IQCJ: variants seen among roughly 807,000 people sequenced by gnomAD.
IQCJ encodes IQ domain-containing protein J.
A neutral mutation model predicts 11.0 loss-of-function variants in IQCJ; 9 were observed. The observed-to-expected ratio is 0.82, with a 90% CI of 0.49 to 1.43. IQCJ has a LOEUF of 1.43. IQCJ is among the 40% of genes most tolerant of loss of function. The pLI is 0.00. For missense variants in IQCJ, 146 were observed against 133.2 expected, an observed-to-expected ratio of 1.10 and a Z score of -0.47; for synonymous variants, 55 against 51.3, an observed-to-expected ratio of 1.07 and a Z score of -0.31.
chr3:159,214,508 G>A (rs957112311), intron 1 of IQCJ, among the ~76,000 whole-genome samples: 1 of 152,166 alleles, frequency 6.6e-6, no homozygotes, highest in East Asian at 1.9e-4. Flanking sequence ...TCAAATGAAT[G>A]TTTCAGATTC....
intron 1 of IQCJ, among the ~76,000 whole-genome samples, chr3:159,120,917 G>T (rs1719331947): frequency 6.6e-6 from 1 of 152,028 alleles, no homozygotes; most frequent in Non-Finnish European, 1.5e-5. Context: ...CCAGATGGCT[G>T]CTCTTTCTCC....
chr3:159,089,812 T>C (rs1717103611), intron 1 of IQCJ, among the ~76,000 whole-genome samples: 1 of 151,636 alleles, frequency 6.6e-6, no homozygotes, highest in African/African-American at 2.4e-5. Flanking sequence ...ATTCTAGTTA[T>C]ACATTCTTCT....
intron 1 of IQCJ, among the ~76,000 whole-genome samples, chr3:159,206,122 C>G (rs1724644528): frequency 6.6e-6 from 1 of 152,216 alleles, no homozygotes. Context: ...ATTCACTTCT[C>G]TGAATCTTTC....
At chr3:159,109,510 G>T (rs1177884462) in intron 1 of IQCJ, among the ~76,000 whole-genome samples, 1 of 124,302 alleles carries the variant, frequency 8.0e-6, no homozygotes, top group Non-Finnish European at 1.6e-5. Flanking sequence ...CTGTAGAGTA[G>T]CCTTACTTGT....
intron 1 of IQCJ, among the ~76,000 whole-genome samples, chr3:159,110,456 A>T (rs1718554385): frequency 6.6e-6 from 1 of 152,088 alleles, no homozygotes. Context: ...ACTCCTTTTC[A>T]TTTATTTAAA....
chr3:159,149,801 C>G (rs1226471132), intron 1 of IQCJ, among the ~76,000 whole-genome samples: 1 of 152,228 alleles, frequency 6.6e-6, no homozygotes, highest in East Asian at 1.9e-4. Context: ...AGCATTGAAT[C>G]TGTTCTCAGC....
At chr3:159,131,652 C>T (rs1173305229) in intron 1 of IQCJ, among the ~76,000 whole-genome samples, 1 of 152,040 alleles carries the variant, frequency 6.6e-6, no homozygotes, top group Non-Finnish European at 1.5e-5. Context: ...GATGCCTCAC[C>T]ATCCCTTACT....
intron 1 of IQCJ, among the ~76,000 whole-genome samples, chr3:159,110,121 A>C (rs540030922): frequency 6.6e-6 from 1 of 152,352 alleles, no homozygotes; most frequent in East Asian, 1.9e-4. Flanking sequence ...ACTAGAGTGG[A>C]GAGGTGGACA....
intron 1 of IQCJ, among the ~76,000 whole-genome samples, chr3:159,235,862 G>T (rs1250607245): frequency 6.6e-6 from 1 of 152,112 alleles, no homozygotes; most frequent in East Asian, 1.9e-4. Flanking sequence ...ATTTTCATAG[G>T]CATATCTTAT....
chr3:159,233,723 T>G (rs1726405946), intron 1 of IQCJ, among the ~76,000 whole-genome samples: 1 of 152,090 alleles, frequency 6.6e-6, no homozygotes. Context: ...ACCACAGGAA[T>G]GACAAGACAA....
At chr3:159,081,293 T>G (rs568167801) in intron 1 of IQCJ, among the ~76,000 whole-genome samples, 1 of 152,254 alleles carries the variant, frequency 6.6e-6, no homozygotes, top group Admixed American at 6.5e-5. Context: ...GTAGACTCTC[T>G]CTGGCGCCTC....
rs553607669 is a variant in IQCJ, at chr3:159,249,307, T to C, written c.74+3400T>C. The stretch of plus-strand genomic sequence containing the variant: ...GAAAATTAATGGTATATACGTGGGT[T>C]TCCATCTGCCCCACCCTACTCTTTC... On this transcript the variant is annotated intron_variant, in intron 2 of 3. Transcript: ENST00000397832. Among the ~76,000 whole-genome samples, 10 of 152,326 alleles carry C rather than the reference T, an allele frequency of 6.6e-5. No homozygotes were observed. In the South Asian group the frequency reaches 2.1e-3, roughly 32 times the overall value.
chr3:159,077,335 T>C (rs893765851), intron 1 of IQCJ, among the ~76,000 whole-genome samples: 5 of 152,168 alleles, frequency 3.3e-5, no homozygotes, highest in South Asian at 2.1e-4. Context: ...CCTTTTGACC[T>C]ATCAATTTTA....
At chr3:159,152,358 C>A (rs1357526157) in intron 1 of IQCJ, among the ~76,000 whole-genome samples, 1 of 152,164 alleles carries the variant, frequency 6.6e-6, no homozygotes, top group Non-Finnish European at 1.5e-5. Context: ...TTTCCCTTCT[C>A]TGAGATCCCA....
intron 1 of IQCJ, among the ~76,000 whole-genome samples, chr3:159,174,400 C>T (rs1302144598): frequency 2.6e-5 from 4 of 151,982 alleles, no homozygotes; most frequent in African/African-American, 9.7e-5. Context: ...ACATTATTCT[C>T]CACTTAAAAA....
At chr3:159,216,906 T>C (rs1725267354) in intron 1 of IQCJ, among the ~76,000 whole-genome samples, 1 of 152,118 alleles carries the variant, frequency 6.6e-6, no homozygotes, top group South Asian at 2.1e-4. Flanking sequence ...AACTGCAAAA[T>C]CAATTAAATA....
At chr3:159,106,338 G>A (rs189937712) in intron 1 of IQCJ, among the ~76,000 whole-genome samples, 6 of 152,280 alleles carry the variant, frequency 3.9e-5, no homozygotes, top group Admixed American at 6.5e-5. Flanking sequence ...ATAAACATGA[G>A]AGTTGTCTGT....
chr3:159,195,582 A>AG (rs1270641422), intron 1 of IQCJ, among the ~76,000 whole-genome samples: 1 of 152,128 alleles, frequency 6.6e-6, no homozygotes, highest in Admixed American at 6.5e-5. Context: ...TTCTTCCCAA[A>AG]CAGTACCTTA....
intron 1 of IQCJ, among the ~76,000 whole-genome samples, chr3:159,082,572 T>G (rs992177018): frequency 6.6e-6 from 1 of 152,018 alleles, no homozygotes; most frequent in African/African-American, 2.4e-5. Context: ...AAAAATGGCA[T>G]CTGCAAAGCA....
Sources: allele counts gnomAD v4.1 joint callset (sites outside exome capture counted in the v4.1 genomes callset), GRCh38; gene constraint gnomAD v4.1.1; transcripts MANE v1.5; gene names NCBI Gene and HGNC (gene_info 2026-07-23, HGNC 2026-07-21).